Variants in CCSER1 observed in about 807,000 individuals in gnomAD.
The protein encoded by CCSER1 is serine-rich coiled-coil domain-containing protein 1.
In CCSER1, 41 loss-of-function variants were observed where a neutral mutation model predicts 82.0. The observed-to-expected ratio is 0.50, with a 90% CI of 0.39 to 0.65. The LOEUF is 0.65. Ranked by LOEUF, CCSER1 falls within the 30% of genes least tolerant of loss-of-function variation. The probability of loss-of-function intolerance (pLI) is 0.00; values close to 1 mark genes in which losing one functional copy is unlikely to be tolerated. For missense variants in CCSER1, 1,119 were observed against 1,064.2 expected, an observed-to-expected ratio of 1.05 and a Z score of -0.72; for synonymous variants, 414 against 383.9, an observed-to-expected ratio of 1.08 and a Z score of -0.92.
Position 91,164,410 on chromosome 4 carries a change from G to T in CCSER1, c.2217+78416G>T, listed in dbSNP as rs1731799234. On this transcript the variant is annotated intron_variant, in intron 10 of 10. Transcript: ENST00000509176. ...GGTGAATCTGACAATTATGTGTCTT[G>T]GGGTTGCTCTTCTTGAGGAGGATCT... is the stretch of plus-strand genomic sequence containing the variant. Among the ~76,000 whole-genome samples, 3 of 151,870 alleles carry T rather than the reference G, an allele frequency of 2.0e-5. No individual in the cohort carries two copies. In the South Asian group the frequency reaches 6.2e-4, roughly 32 times the overall value.
intron 10 of CCSER1, among the ~76,000 whole-genome samples, chr4:91,277,596 T>C (rs1742581515): frequency 6.6e-6 from 1 of 150,920 alleles, no homozygotes; most frequent in Admixed American, 6.6e-5. Context: ...GTCTAGCTAG[T>C]GGTTTATCTA....
intron 9 of CCSER1, among the ~76,000 whole-genome samples, chr4:90,954,710 T>C (rs558768777): frequency 6.6e-6 from 1 of 152,300 alleles, no homozygotes; most frequent in African/African-American, 2.4e-5. Context: ...ATAAATTCTA[T>C]TGAAGTAAGT....
At chr4:90,411,048 A>T (rs1468838163) in intron 4 of CCSER1, among the ~76,000 whole-genome samples, 1 of 152,230 alleles carries the variant, frequency 6.6e-6, no homozygotes, top group East Asian at 1.9e-4. Context: ...ATTCCTGGAC[A>T]CATACACCTC....
At chr4:90,720,007 GATTT>G (rs1561011466) in intron 6 of CCSER1, among the ~76,000 whole-genome samples, 1 of 152,006 alleles carries the variant, frequency 6.6e-6, no homozygotes, top group Non-Finnish European at 1.5e-5. Flanking sequence ...CTCTTCTCCC[GATTT>G]ATTTGCTCAT....
At chr4:91,402,417 T>C (rs539611698) in intron 10 of CCSER1, among the ~76,000 whole-genome samples, 137 of 152,320 alleles carry the variant, frequency 9.0e-4, no homozygotes, top group African/African-American at 3.1e-3. Context: ...CATTTGTCTA[T>C]TTTGGCTTTT....
chr4:91,410,610 TA>T (rs909580119), intron 10 of CCSER1, among the ~76,000 whole-genome samples: 11 of 152,168 alleles, frequency 7.2e-5, no homozygotes, highest in African/African-American at 2.4e-4. Flanking sequence ...TTAGAAAACT[TA>T]AATATTCTCT....
At chr4:91,226,592 C>T (rs1189843194) in intron 10 of CCSER1, among the ~76,000 whole-genome samples, 1 of 151,784 alleles carries the variant, frequency 6.6e-6, no homozygotes, top group Non-Finnish European at 1.5e-5. Flanking sequence ...TTAATGGAAT[C>T]GTATATGCTA....
intron 9 of CCSER1, among the ~76,000 whole-genome samples, chr4:91,007,556 G>T (rs964495410): frequency 6.6e-6 from 1 of 151,228 alleles, no homozygotes; most frequent in Admixed American, 6.6e-5. Flanking sequence ...TGTCTCTTAT[G>T]ATCCTTTGTA....
intron 10 of CCSER1, among the ~76,000 whole-genome samples, chr4:91,156,853 C>T (rs1411056633): frequency 6.6e-6 from 1 of 151,796 alleles, no homozygotes; most frequent in Non-Finnish European, 1.5e-5. Flanking sequence ...GTTATTATTC[C>T]TTTTCCTGCA....
intron 6 of CCSER1, among the ~76,000 whole-genome samples, chr4:90,672,991 G>T (rs951204109): frequency 1.3e-5 from 2 of 151,848 alleles, no homozygotes; most frequent in Non-Finnish European, 2.9e-5. Flanking sequence ...CACTGACCAC[G>T]TATCATCGTA....
chr4:90,708,490 C>T (rs993777919), intron 6 of CCSER1, among the ~76,000 whole-genome samples: 1 of 152,026 alleles, frequency 6.6e-6, no homozygotes, highest in Non-Finnish European at 1.5e-5. Flanking sequence ...CTTCTGGTAC[C>T]GGGAATGAGG....
At chr4:91,257,690 C>T (rs747254088) in intron 10 of CCSER1, among the ~76,000 whole-genome samples, 1 of 152,062 alleles carries the variant, frequency 6.6e-6, no homozygotes, top group Non-Finnish European at 1.5e-5. Flanking sequence ...TGTAACCACT[C>T]AATGAACTTA....
At chr4:90,720,336 G>A (rs1318032409) in intron 6 of CCSER1, among the ~76,000 whole-genome samples, 1 of 151,572 alleles carries the variant, frequency 6.6e-6, no homozygotes, top group Non-Finnish European at 1.5e-5. Context: ...CTGGGTGTTA[G>A]TAAGGATATT....
At chr4:91,418,670 C>G (rs1380958407) in intron 10 of CCSER1, among the ~76,000 whole-genome samples, 1 of 151,916 alleles carries the variant, frequency 6.6e-6, no homozygotes, top group Non-Finnish European at 1.5e-5. Flanking sequence ...ACAACCTTCT[C>G]AAACTTTCCA....
intron 10 of CCSER1, among the ~76,000 whole-genome samples, chr4:91,583,015 G>T (rs184683425): frequency 6.6e-6 from 1 of 151,452 alleles, no homozygotes; most frequent in African/African-American, 2.4e-5. Flanking sequence ...GTATATCGTT[G>T]TATAGTCCAC....
chr4:90,314,070 T>C (rs1018115540), intron 3 of CCSER1, among the ~76,000 whole-genome samples: 12 of 152,186 alleles, frequency 7.9e-5, no homozygotes, highest in African/African-American at 2.9e-4. Context: ...CATTGTGTGA[T>C]AGCAAAATCA....
intron 8 of CCSER1, among the ~76,000 whole-genome samples, chr4:90,817,681 G>A (rs1427399379): frequency 6.6e-6 from 1 of 152,068 alleles, no homozygotes; most frequent in African/African-American, 2.4e-5. Context: ...AAAAAGGACT[G>A]CAGCTAAGGG....
intron 7 of CCSER1, among the ~76,000 whole-genome samples, chr4:90,724,203 A>G (rs1201460705): frequency 2.0e-5 from 3 of 151,950 alleles, no homozygotes; most frequent in Non-Finnish European, 4.4e-5. Context: ...TTATGGGACA[A>G]TTGTTTGTCT....
At chr4:90,832,681 A>G (rs886688324) in intron 8 of CCSER1, among the ~76,000 whole-genome samples, 18 of 152,158 alleles carry the variant, frequency 1.2e-4, no homozygotes, top group African/African-American at 4.3e-4. Context: ...TTAATTAGAA[A>G]TGTTTGACAA....
Sources: allele counts gnomAD v4.1 joint callset (sites outside exome capture counted in the v4.1 genomes callset), GRCh38; gene constraint gnomAD v4.1.1; transcripts MANE v1.5; gene names NCBI Gene and HGNC (gene_info 2026-07-23, HGNC 2026-07-21).